WDR70: variants seen among roughly 807,000 people sequenced by gnomAD.
WDR70 encodes the protein WD repeat-containing protein 70.
WDR70 carries 53 observed loss-of-function variants against 88.6 expected under a neutral mutation model. The ratio of observed to expected loss-of-function variants is 0.60; its 90% CI spans 0.48 to 0.75. WDR70 has a LOEUF of 0.75. WDR70 is among the 30% of genes least tolerant of loss of function. The probability of loss-of-function intolerance (pLI) is 0.00; values close to 1 mark genes in which losing one functional copy is unlikely to be tolerated. For missense variants in WDR70, 610 were observed against 823.2 expected (o/e 0.74, Z 3.17); for synonymous variants, 280 against 270.0 (o/e 1.04, Z -0.36).
intron 10 of WDR70, among the ~76,000 whole-genome samples, chr5:37,612,569 T>C (rs148292781): frequency 6.6e-6 from 1 of 152,338 alleles, no homozygotes; most frequent in East Asian, 1.9e-4. Context: ...CTTCGTCTTT[T>C]TTCTTTTTAA....
intron 8 of WDR70, among the ~76,000 whole-genome samples, chr5:37,487,627 A>ATATATATTTTTTTTTTTTTTT (rs1317924512): frequency 1.4e-5 from 1 of 69,070 alleles, no homozygotes; most frequent in African/African-American, 5.0e-5. Context: ...ATATATATGT[A>ATATATATTTTTTTTTTTTTTT]TTTTTTTTTT....
At chr5:37,588,199 T>C (rs985542142) in intron 9 of WDR70, among the ~76,000 whole-genome samples, 2 of 152,150 alleles carry the variant, frequency 1.3e-5, no homozygotes, top group Non-Finnish European at 2.9e-5. Flanking sequence ...TACAAAACTA[T>C]GCTAGATATT....
At chr5:37,393,994 TA>T (rs1269129886) in intron 4 of WDR70, among the ~76,000 whole-genome samples, 1 of 152,122 alleles carries the variant, frequency 6.6e-6, no homozygotes, top group Admixed American at 6.5e-5. Context: ...ATTTTGGTTT[TA>T]TTTTGTTGTG....
rs575449846 is a variant in WDR70 at position 37,656,478 on chromosome 5, G to A, written c.1093-41177G>A. Among the ~76,000 whole-genome samples, 20 of 152,344 alleles carry A rather than the reference G, an allele frequency of 1.3e-4. No homozygotes were observed. The South Asian group carries it at 4.1e-3, about 32-fold the overall frequency. On this transcript the variant is annotated intron_variant, in intron 10 of 17. Coordinates refer to ENST00000265107, the MANE Select transcript of WDR70 (RefSeq NM_018034.4). ...CTTAGCAGAGCTCAAGCGCTGTGCT[G>A]GGAGATCCACTGCTCTCTTCAGAGC...
intron 2 of WDR70, among the ~76,000 whole-genome samples, chr5:37,381,365 C>T (rs762880448): frequency 6.6e-6 from 1 of 152,112 alleles, no homozygotes; most frequent in Non-Finnish European, 1.5e-5. Context: ...GTTGTTGTTT[C>T]ATAGGGTAGG....
intron 9 of WDR70, among the ~76,000 whole-genome samples, chr5:37,542,089 T>C (rs1363327218): frequency 1.3e-5 from 2 of 152,230 alleles, no homozygotes; most frequent in Non-Finnish European, 2.9e-5. Context: ...CTGAAGAATA[T>C]AGAGAAATAC....
At chr5:37,408,064 G>T (rs1423447054) in intron 5 of WDR70, among the ~76,000 whole-genome samples, 2 of 152,068 alleles carry the variant, frequency 1.3e-5, no homozygotes, top group Non-Finnish European at 2.9e-5. Flanking sequence ...TGCAGGTCCA[G>T]GATATCTCAG....
rs531221311 is a variant in WDR70 at position 37,693,875 on chromosome 5, G to A, written c.1093-3780G>A. On this transcript the variant is annotated intron_variant, in intron 10 of 17. Coordinates refer to ENST00000265107, the MANE Select transcript of WDR70 (RefSeq NM_018034.4). ...ACAATGTATCTAATTAAACTAAAGA[G>A]CTTCTGCACAGCAAAAGAAACTACC... Among the ~76,000 whole-genome samples the A allele has an allele frequency of 1.9e-4, 29 of 152,322 alleles. 2 individuals carry two copies. The South Asian group carries it at 5.8e-3, about 30-fold the overall frequency.
chr5:37,630,307 G>A (rs1449382230), intron 10 of WDR70, among the ~76,000 whole-genome samples: 2 of 152,196 alleles, frequency 1.3e-5, no homozygotes, highest in African/African-American at 2.4e-5. Flanking sequence ...CTGTTTCTCA[G>A]CCATGTATTT....
In WDR70 at chr5:37,575,273, C is replaced by T. The variant is rs1743020074; in HGVS notation, c.918-29791C>T. Among the ~76,000 whole-genome samples, 4 of 152,130 alleles carry T rather than the reference C, an allele frequency of 2.6e-5. No individual in the cohort carries two copies. The South Asian group carries it at 8.3e-4, about 32-fold the overall frequency. On this transcript the variant is annotated intron_variant, in intron 9 of 17. Coordinates refer to ENST00000265107, the MANE Select transcript of WDR70 (RefSeq NM_018034.4). ...AGTCCCCAGTTTCTGACACTGAGCT[C>T]CTAAAACCCTTGTAATTTTTCTGGG... is the stretch of plus-strand genomic sequence containing the variant.
chr5:37,581,601 G>A (rs1367835307), intron 9 of WDR70, among the ~76,000 whole-genome samples: 1 of 152,166 alleles, frequency 6.6e-6, no homozygotes. Flanking sequence ...AAGCAATGCA[G>A]TCTAAATATA....
chr5:37,435,544 A>C (rs1210720890), intron 5 of WDR70, among the ~76,000 whole-genome samples: 2 of 152,144 alleles, frequency 1.3e-5, no homozygotes, highest in African/African-American at 4.8e-5. Flanking sequence ...ACAAAACAGT[A>C]ATGTCTTTGT....
chr5:37,400,431 T>C (rs1399043392), intron 5 of WDR70, among the ~76,000 whole-genome samples: 2 of 152,176 alleles, frequency 1.3e-5, no homozygotes, highest in Admixed American at 1.3e-4. Context: ...GTTTTTAAGT[T>C]CTCTACAGAA....
intron 10 of WDR70, among the ~76,000 whole-genome samples, chr5:37,673,385 T>C (rs1327146484): frequency 1.3e-5 from 2 of 152,194 alleles, no homozygotes; most frequent in Non-Finnish European, 2.9e-5. Flanking sequence ...GTTTTTATAA[T>C]AGAACCATGT....
At chr5:37,579,843 T>C (rs948348292) in intron 9 of WDR70, among the ~76,000 whole-genome samples, 29 of 152,174 alleles carry the variant, frequency 1.9e-4, no homozygotes, top group African/African-American at 6.0e-4. Context: ...TTTCTTTAGA[T>C]CATTTCCACC....
intron 17 of WDR70, among the ~76,000 whole-genome samples, chr5:37,732,371 A>G (rs989790709): frequency 6.6e-6 from 1 of 152,102 alleles, no homozygotes; most frequent in Non-Finnish European, 1.5e-5. Flanking sequence ...TTATGTACCT[A>G]TTCAATTGTA....
intron 5 of WDR70, among the ~76,000 whole-genome samples, chr5:37,411,662 G>A (rs1322463451): frequency 6.6e-6 from 1 of 152,094 alleles, no homozygotes; most frequent in East Asian, 1.9e-4. Context: ...GGAGGTGGAG[G>A]TTGTAGTGAG....
chr5:37,468,581 A>AT (rs573384331), intron 7 of WDR70, among the ~76,000 whole-genome samples: 11 of 151,458 alleles, frequency 7.3e-5, no homozygotes, highest in African/African-American at 2.7e-4. Flanking sequence ...AATTTGCATA[A>AT]TTTTTTTTTG....
In WDR70 at chr5:37,512,580, A is replaced by G. The variant is rs940468103; in HGVS notation, c.841-3934A>G. On this transcript the variant is annotated intron_variant, in intron 8 of 17. Coordinates refer to ENST00000265107, the MANE Select transcript of WDR70 (RefSeq NM_018034.4). ...TTAGAGCCTGCACAGAATTGCATCTAGAATTTTTTTTTTTTTTTTGAGACA... is the reference window on the plus strand; with the variant it reads ...TTAGAGCCTGCACAGAATTGCATCTGGAATTTTTTTTTTTTTTTTGAGACA... 2.8e-5 allele frequency among the ~76,000 whole-genome samples: 4 copies of G among 143,926 alleles called. No individual in the cohort carries two copies. The Admixed American group carries it at 2.8e-4, about 10-fold the overall frequency. The allele number at this position is 143,926 out of a possible 152,430, so 94.4% of individuals were successfully genotyped here. A position where few individuals can be genotyped will look rare whatever the true frequency, so the allele number is the denominator to read the frequency against.
Sources: allele counts gnomAD v4.1 joint callset (sites outside exome capture counted in the v4.1 genomes callset), GRCh38; gene constraint gnomAD v4.1.1; transcripts MANE v1.5; gene names NCBI Gene and HGNC (gene_info 2026-07-23, HGNC 2026-07-21).